ARHGAP26: variants seen among roughly 807,000 people sequenced by gnomAD.
ARHGAP26 encodes rho GTPase-activating protein 26.
Under a neutral mutation model 104.8 loss-of-function variants are expected in ARHGAP26, and 38 were observed. That is an observed-to-expected ratio of 0.36 (90% CI 0.28 to 0.48). The LOEUF (loss-of-function observed/expected upper bound fraction) is 0.48. Ranked by LOEUF, ARHGAP26 falls within the 20% of genes least tolerant of loss-of-function variation. The pLI is 0.99. For missense variants in ARHGAP26, 704 were observed against 947.9 expected (o/e 0.74, Z 3.38); for synonymous variants, 341 against 340.0 (o/e 1.00, Z -0.03).
At chr5:142,890,884 A>G (rs1024446417) in intron 5 of ARHGAP26, among the ~76,000 whole-genome samples, 6 of 152,242 alleles carry the variant, frequency 3.9e-5, no homozygotes, top group African/African-American at 1.4e-4. Flanking sequence ...ACATTGTAGC[A>G]TTGGAGCTTG....
At chr5:142,792,584 A>G (rs1301588324) in intron 1 of ARHGAP26, among the ~76,000 whole-genome samples, 1 of 152,182 alleles carries the variant, frequency 6.6e-6, no homozygotes, top group African/African-American at 2.4e-5. Flanking sequence ...GCAGGGATCT[A>G]GTACCACAGT....
At chr5:143,146,741 T>A (rs1799205708) in intron 19 of ARHGAP26, among the ~76,000 whole-genome samples, 3 of 152,234 alleles carry the variant, frequency 2.0e-5, no homozygotes, top group Admixed American at 2.0e-4. Context: ...CATTGGTGGC[T>A]AAATAGTAGA....
intron 11 of ARHGAP26, among the ~76,000 whole-genome samples, chr5:143,012,548 CATACATATATATAT>C (rs1440614979): frequency 4.3e-5 from 1 of 23,352 alleles, no homozygotes; most frequent in African/African-American, 1.2e-4. Context: ...TATATACATA[CATACATATATATAT>C]ATATATATAT....
intron 20 of ARHGAP26, among the ~76,000 whole-genome samples, chr5:143,179,258 A>T (rs1264185137): frequency 6.6e-6 from 1 of 152,182 alleles, no homozygotes; most frequent in African/African-American, 2.4e-5. Context: ...AAGGGCTGGC[A>T]TGAGGGCTTA....
At chr5:143,032,797 G>C (rs1170423240) in intron 12 of ARHGAP26, among the ~76,000 whole-genome samples, 1 of 152,178 alleles carries the variant, frequency 6.6e-6, no homozygotes, top group African/African-American at 2.4e-5. Flanking sequence ...GGAAACTCAA[G>C]TTGATGAGAG....
Position 143,224,089 on chromosome 5 carries a change from G to A in ARHGAP26, c.*1643G>A. On this transcript the variant is annotated 3_prime_UTR_variant, in exon 23 of 23. Transcript: ENST00000645722. ...AGAAAAGAAAAACTTGAATTGTGTTGAATTACTGTATCTTTTACTTTTTTT... is the reference window on the plus strand; with the variant it reads ...AGAAAAGAAAAACTTGAATTGTGTTAAATTACTGTATCTTTTACTTTTTTT... 1 of 224,334 alleles carries A rather than the reference G, an allele frequency of 4.5e-6. No homozygotes were observed. Among genetic ancestry groups the A allele is most frequent in the Non-Finnish European group, 8.7e-6 (1 of 114,454 alleles). 13.9% of individuals were successfully genotyped at this position (224,334 alleles called of 1,614,324 possible).
intron 5 of ARHGAP26, among the ~76,000 whole-genome samples, chr5:142,892,247 C>A (rs1466302008): frequency 1.3e-5 from 2 of 151,904 alleles, no homozygotes; most frequent in African/African-American, 4.9e-5. Context: ...GCAGGAATTT[C>A]TTTTTCACTG....
At chr5:142,933,749 C>T (rs1198430029) in intron 11 of ARHGAP26, among the ~76,000 whole-genome samples, 2 of 152,262 alleles carry the variant, frequency 1.3e-5, no homozygotes, top group South Asian at 2.1e-4. Flanking sequence ...TGTACATAGG[C>T]AGTCATGGGC....
chr5:142,937,270 A>C (rs1765562829), intron 11 of ARHGAP26, among the ~76,000 whole-genome samples: 1 of 152,226 alleles, frequency 6.6e-6, no homozygotes, highest in African/African-American at 2.4e-5. Flanking sequence ...CATTTTACCA[A>C]AGAGAATATG....
intron 20 of ARHGAP26, among the ~76,000 whole-genome samples, chr5:143,181,284 C>G (rs1286829734): frequency 6.6e-6 from 1 of 152,248 alleles, no homozygotes; most frequent in Non-Finnish European, 1.5e-5. Flanking sequence ...GTGACCTACT[C>G]TGGCTTGCCA....
intron 12 of ARHGAP26, among the ~76,000 whole-genome samples, chr5:143,021,422 C>T (rs756489866): frequency 3.3e-5 from 5 of 152,174 alleles, no homozygotes; most frequent in Non-Finnish European, 7.3e-5. Context: ...ATAACATTGG[C>T]CTATGTTATT....
At chr5:142,925,904 G>C (rs1274655084) in intron 10 of ARHGAP26, among the ~76,000 whole-genome samples, 1 of 152,114 alleles carries the variant, frequency 6.6e-6, no homozygotes, top group Non-Finnish European at 1.5e-5. Flanking sequence ...TAGAAAGAAC[G>C]GTACTGTTAA....
chr5:142,886,513 T>C (rs920744907), intron 5 of ARHGAP26, among the ~76,000 whole-genome samples: 2 of 152,216 alleles, frequency 1.3e-5, no homozygotes, highest in Admixed American at 1.3e-4. Flanking sequence ...AACAAAGGTT[T>C]ATAATGGACT....
chr5:142,795,373 C>T (rs984491647), intron 1 of ARHGAP26, among the ~76,000 whole-genome samples: 1 of 151,388 alleles, frequency 6.6e-6, no homozygotes, highest in African/African-American at 2.4e-5. Context: ...ACAGCATGCT[C>T]TAGGGAAGAA....
chr5:143,210,227 G>C (rs756592648), intron 21 of ARHGAP26, among the ~76,000 whole-genome samples: 19 of 152,310 alleles, frequency 1.2e-4, no homozygotes, highest in South Asian at 6.2e-4. Context: ...CAAGGAGGAG[G>C]AAGTCACGTC....
chr5:142,997,529 C>T (rs1776580985), intron 11 of ARHGAP26, among the ~76,000 whole-genome samples: 2 of 151,864 alleles, frequency 1.3e-5, no homozygotes, highest in South Asian at 4.2e-4. Context: ...CTGCCTCAGC[C>T]TCCCAGGTAG....
chr5:142,851,967 G>C (rs1189116562), intron 1 of ARHGAP26, among the ~76,000 whole-genome samples: 1 of 152,210 alleles, frequency 6.6e-6, no homozygotes, highest in East Asian at 1.9e-4. Context: ...TCCCTCCCCA[G>C]TCTTGGAAAG....
intron 20 of ARHGAP26, among the ~76,000 whole-genome samples, chr5:143,153,089 G>C (rs182681390): frequency 1.3e-5 from 2 of 152,320 alleles, no homozygotes; most frequent in Admixed American, 6.5e-5. Flanking sequence ...AGGTATGGAA[G>C]AGTCTCACTA....
intron 1 of ARHGAP26, among the ~76,000 whole-genome samples, chr5:142,806,335 C>G (rs1487828888): frequency 6.6e-6 from 1 of 152,158 alleles, no homozygotes; most frequent in Non-Finnish European, 1.5e-5. Flanking sequence ...TGGGCTCAAG[C>G]AATCCTCCTG....
Sources: gnomAD v4.1 joint callset for allele counts (sites outside exome capture counted in the v4.1 genomes callset) on GRCh38, gnomAD v4.1.1 for gene constraint, MANE v1.5 for transcripts, NCBI Gene and HGNC (gene_info 2026-07-23, HGNC 2026-07-21) for gene names.